Variants in COL5A2 observed in about 807,000 individuals in gnomAD.
The protein encoded by COL5A2 is collagen alpha-2(V) chain.
COL5A2 carries 23 observed loss-of-function variants against 208.2 expected under a neutral mutation model. The ratio of observed to expected loss-of-function variants is 0.11; its 90% CI spans 0.08 to 0.16. COL5A2 has a LOEUF of 0.16. COL5A2 is among the 10% of genes least tolerant of loss of function. COL5A2 has a pLI of 1.00. For synonymous variants in COL5A2, 625 were observed against 628.5 expected, an observed-to-expected ratio of 0.99 and a Z score of 0.08; for missense variants, 1,590 against 1,956.4, an observed-to-expected ratio of 0.81 and a Z score of 3.53.
intron 1 of COL5A2, among the ~76,000 whole-genome samples, chr2:189,187,479 A>G (rs779257571): frequency 1.3e-5 from 2 of 152,150 alleles, no homozygotes; most frequent in Non-Finnish European, 2.9e-5. Context: ...CTGCTTTTCA[A>G]TTTCCTCATC....
chr2:189,273,194 T>G, the COL5A2 span, among the ~76,000 whole-genome samples: 1 of 152,150 alleles, frequency 6.6e-6, no homozygotes, highest in Non-Finnish European at 1.5e-5. Flanking sequence ...GTGTGAGATC[T>G]GACTCAAAAT....
the COL5A2 span, among the ~76,000 whole-genome samples, chr2:189,265,256 T>G: frequency 6.6e-6 from 1 of 152,120 alleles, no homozygotes; most frequent in African/African-American, 2.4e-5. Context: ...CAGATTAACA[T>G]AAACTTGGTG....
At chr2:189,197,977 G>A (rs1434447797) in intron 1 of COL5A2, among the ~76,000 whole-genome samples, 4 of 151,926 alleles carry the variant, frequency 2.6e-5, no homozygotes, top group South Asian at 4.2e-4. Context: ...AGCCTCCCGA[G>A]GAACTGGGAC....
chr2:189,223,384 A>G (rs1390434374), intron 1 of COL5A2, among the ~76,000 whole-genome samples: 1 of 152,148 alleles, frequency 6.6e-6, no homozygotes, highest in Non-Finnish European at 1.5e-5. Context: ...AATTCAAATC[A>G]TTCTCCTCAT....
At chr2:189,170,565 A>G (rs1030300539) in intron 1 of COL5A2, among the ~76,000 whole-genome samples, 4 of 152,220 alleles carry the variant, frequency 2.6e-5, no homozygotes, top group Non-Finnish European at 5.9e-5. Flanking sequence ...AAGTACCTAA[A>G]TCGCAAAAGT....
At chr2:189,205,485 G>A (rs1463975791) in intron 1 of COL5A2, among the ~76,000 whole-genome samples, 3 of 152,264 alleles carry the variant, frequency 2.0e-5, no homozygotes, top group African/African-American at 7.2e-5. Flanking sequence ...CTAGTTTTCA[G>A]CAAAATAATG....
chr2:189,047,855 G>A (rs1412233417), intron 45 of COL5A2, among the ~76,000 whole-genome samples: 1 of 152,176 alleles, frequency 6.6e-6, no homozygotes, highest in Non-Finnish European at 1.5e-5. Context: ...ACTTTAGATG[G>A]TGAATGGAAA....
chr2:189,222,563 G>A (rs755892707), intron 1 of COL5A2, among the ~76,000 whole-genome samples: 4 of 152,130 alleles, frequency 2.6e-5, no homozygotes, highest in African/African-American at 2.4e-5. Flanking sequence ...AGAATTGAAA[G>A]AAACAGCTGT....
rs113575151 is a variant in COL5A2 at position 189,060,907 on chromosome 2, G to A, written c.2032-124C>T. 192 of 699,914 alleles carry A rather than the reference G, an allele frequency of 2.7e-4. 1 individual carries two copies. The highest frequency in any genetic ancestry group is 2.7e-3 in the African/African-American group (151 of 55,326). The allele number at this position is 699,914 out of a possible 1,614,324, so 43.4% of individuals were successfully genotyped here. A position where few individuals can be genotyped will look rare whatever the true frequency, so the allele number is the denominator to read the frequency against. On this transcript the variant is annotated intron_variant, in intron 30 of 53. Transcript: ENST00000374866. ...ACTATATTTTCAATGAAAATATATT[G>A]TTCAGACATTTTAAGTAAAAAATAT...
intron 19 of COL5A2, among the ~76,000 whole-genome samples, 192 bp downstream of exon 19, chr2:189,068,594 C>T (rs1024165361): frequency 3.3e-5 from 5 of 152,068 alleles, no homozygotes; most frequent in African/African-American, 9.7e-5. Context: ...GTGATATATG[C>T]TCAATGGGAT....
chr2:189,331,423 C>G, the COL5A2 span, among the ~76,000 whole-genome samples: 3 of 152,066 alleles, frequency 2.0e-5, no homozygotes, highest in African/African-American at 7.2e-5. Context: ...CAAATCTCAT[C>G]TTGCATTCAC....
chr2:189,153,765 C>G (rs562996294), intron 1 of COL5A2, among the ~76,000 whole-genome samples: 2 of 152,090 alleles, frequency 1.3e-5, no homozygotes, highest in African/African-American at 4.8e-5. Context: ...TGGCCTGATC[C>G]CTCTTACATC....
chr2:189,164,817 T>C (rs963482401), intron 1 of COL5A2, among the ~76,000 whole-genome samples: 1 of 152,232 alleles, frequency 6.6e-6, no homozygotes, highest in Non-Finnish European at 1.5e-5. Context: ...CAACACATCA[T>C]GTTTATAAAG....
the COL5A2 span, among the ~76,000 whole-genome samples, chr2:189,267,534 G>A: frequency 1.3e-5 from 2 of 152,088 alleles, no homozygotes; most frequent in Non-Finnish European, 2.9e-5. Context: ...AGGAATAAAA[G>A]AGAACTAATT....
chr2:189,402,312 G>A, the COL5A2 span, among the ~76,000 whole-genome samples: 2 of 152,212 alleles, frequency 1.3e-5, no homozygotes, highest in African/African-American at 2.4e-5. Context: ...CCGACTCCCT[G>A]GTTCAAGTGA....
chr2:189,138,752 A>G (rs890925661), intron 1 of COL5A2, among the ~76,000 whole-genome samples: 1 of 152,238 alleles, frequency 6.6e-6, no homozygotes, highest in Admixed American at 6.5e-5. Flanking sequence ...ATGGGGATAT[A>G]TCAAAGGGAC....
At chr2:189,198,780 T>C (rs1051552971) in intron 1 of COL5A2, among the ~76,000 whole-genome samples, 3 of 152,136 alleles carry the variant, frequency 2.0e-5, no homozygotes, top group Admixed American at 1.3e-4. Flanking sequence ...AATATGCAAT[T>C]ATTGGAAATG....
chr2:189,106,413 T>C (rs1252654131), intron 2 of COL5A2, among the ~76,000 whole-genome samples: 2 of 151,432 alleles, frequency 1.3e-5, no homozygotes, highest in Admixed American at 6.6e-5. Context: ...TAATTGTTTA[T>C]ACATAGTAAA....
intron 1 of COL5A2, among the ~76,000 whole-genome samples, chr2:189,199,779 A>T (rs753274432): frequency 6.6e-6 from 1 of 152,244 alleles, no homozygotes; most frequent in Non-Finnish European, 1.5e-5. Flanking sequence ...GATAAAATAC[A>T]ATAAATGCCC....
Sources: allele counts gnomAD v4.1 joint callset (sites outside exome capture counted in the v4.1 genomes callset), GRCh38; gene constraint gnomAD v4.1.1; transcripts MANE v1.5; gene names NCBI Gene and HGNC (gene_info 2026-07-23, HGNC 2026-07-21).